The following CLEC12A variants were observed in gnomAD, a reference collection of about 807,000 sequenced individuals.
CLEC12A encodes the protein C-type lectin protein CLL-1.
CLEC12A carries 22 observed loss-of-function variants against 26.5 expected under a neutral mutation model. The observed-to-expected ratio is 0.83, with a 90% confidence interval of 0.59 to 1.19. CLEC12A has a LOEUF of 1.19. Ranked by LOEUF, CLEC12A falls within the 50% of genes most tolerant of loss-of-function variation. CLEC12A has a pLI of 0.00. For missense variants in CLEC12A, 353 were observed against 315.6 expected (o/e 1.12, Z -0.90); for synonymous variants, 119 against 101.9 (o/e 1.17, Z -1.01).
At chr12:10,001,610 G>C in the CLEC12A span, among the ~76,000 whole-genome samples, 1 of 152,156 alleles carries the variant, frequency 6.6e-6, no homozygotes, top group Non-Finnish European at 1.5e-5. Context: ...ATAACATTGA[G>C]TTCTAATTTT....
At position 9,955,681 on chromosome 12, in the gene CLEC12A, T is replaced by C. The variant is rs535088240; in HGVS notation, c.10+4325T>C. ...ACCTTAATTCCTTTAAATCTCAGTT[T>C]TCCTAAGCAATCAAAAACCCAATAA... On this transcript the variant is annotated intron_variant, in intron 1 of 6. Coordinates refer to the CLEC12A transcript ENST00000355690. 5.3e-5 allele frequency among the ~76,000 whole-genome samples: 8 copies of C among 152,326 alleles called. No individual in the cohort carries two copies. In the South Asian group the frequency reaches 1.7e-3, roughly 32 times the overall value.
At chr12:9,958,612 T>C (rs1474712317) in intron 1 of CLEC12A, among the ~76,000 whole-genome samples, 3 of 152,192 alleles carry the variant, frequency 2.0e-5, no homozygotes, top group East Asian at 1.9e-4. Context: ...AAACTCTGGA[T>C]TGTAACAAAA....
chr12:9,979,244 AC>A, intron 2 of CLEC12A, 91 bp from the exon 3 acceptor site: 1 of 1,091,400 alleles, frequency 9.2e-7, no homozygotes, highest in Non-Finnish European at 1.3e-6. Context: ...TGCTTTCCCT[AC>A]CCCTTTAATC....
At chr12:9,973,006 G>A (rs544430324) in intron 1 of CLEC12A, among the ~76,000 whole-genome samples, 9 of 152,034 alleles carry the variant, frequency 5.9e-5, no homozygotes, top group Non-Finnish European at 1.2e-4. Flanking sequence ...CTGAATTCAC[G>A]GAAATATTGA....
chr12:9,960,665 C>T (rs770928564), intron 1 of CLEC12A, among the ~76,000 whole-genome samples: 1 of 152,146 alleles, frequency 6.6e-6, no homozygotes, highest in African/African-American at 2.4e-5. Flanking sequence ...AAACCGGCCC[C>T]GTTATCTTAT....
chr12:9,981,848 A>C (rs796404749), intron 4 of CLEC12A, among the ~76,000 whole-genome samples, 172 bp from the exon 5 acceptor site: 22 of 152,274 alleles, frequency 1.4e-4, no homozygotes, highest in African/African-American at 5.1e-4. Flanking sequence ...AAAAATATTG[A>C]AATTTTGTAG....
intron 1 of CLEC12A, among the ~76,000 whole-genome samples, chr12:9,964,116 G>C (rs1256612470): frequency 1.3e-5 from 2 of 152,184 alleles, no homozygotes; most frequent in Non-Finnish European, 2.9e-5. Flanking sequence ...GGTAAATACG[G>C]GGGGAGTAGA....
chr12:9,998,908 T>A (rs1158744321), downstream of CLEC12A: 7 of 590,058 alleles, frequency 1.2e-5, no homozygotes, highest in Non-Finnish European at 2.0e-5. Flanking sequence ...ACTCAAATGC[T>A]TTAGAGCATT....
chr12:9,963,283 C>G (rs1415755152), intron 1 of CLEC12A, among the ~76,000 whole-genome samples: 1 of 148,876 alleles, frequency 6.7e-6, no homozygotes, highest in African/African-American at 2.5e-5. Context: ...TTGTCATACA[C>G]CAGGCCAGAT....
chr12:9,996,677 G>C, downstream of CLEC12A: 2 of 738,788 alleles, frequency 2.7e-6, no homozygotes, highest in Non-Finnish European at 4.8e-6. Flanking sequence ...AATATTATGA[G>C]TGGATTGAAT....
chr12:9,951,342 T>TC, exon 1 of CLEC12A: 1 of 703,032 alleles, frequency 1.4e-6, no homozygotes, highest in Non-Finnish European at 2.6e-6. Context: ...AAATTTGACT[T>TC]CTGCATGTGG....
chr12:9,998,283 C>A (rs1371496889), downstream of CLEC12A: 1 of 1,613,528 alleles, frequency 6.2e-7, no homozygotes, highest in Non-Finnish European at 8.5e-7. Flanking sequence ...AACACTTACA[C>A]CAAATCCCCA....
the CLEC12A span, among the ~76,000 whole-genome samples, chr12:10,004,500 C>G: frequency 6.6e-6 from 1 of 152,056 alleles, no homozygotes. Context: ...CCCAGCCAAA[C>G]TCCTCTTGGC....
chr12:9,953,666 G>A (rs2137086461), intron 1 of CLEC12A, among the ~76,000 whole-genome samples: 1 of 151,702 alleles, frequency 6.6e-6, no homozygotes, highest in South Asian at 2.1e-4. Context: ...CTACTGGGAA[G>A]TGAGGAGCCC....
chr12:9,997,973 A>AT (rs11454576), downstream of CLEC12A, among the ~76,000 whole-genome samples: 82,765 of 151,968 alleles, frequency 0.54, 22,881 homozygotes, highest in South Asian at 0.72. Context: ...GGTTCTTAGG[A>AT]ATGCAAGATA....
downstream of CLEC12A, among the ~76,000 whole-genome samples, chr12:9,999,902 A>G (rs998049974): frequency 6.6e-6 from 1 of 152,222 alleles, no homozygotes; most frequent in African/African-American, 2.4e-5. Flanking sequence ...TTGAGACTGA[A>G]TGGTTCCTAG....
At chr12:9,975,135 G>T (rs762216998) in intron 1 of CLEC12A, among the ~76,000 whole-genome samples, 2 of 152,160 alleles carry the variant, frequency 1.3e-5, no homozygotes, top group Non-Finnish European at 2.9e-5. Flanking sequence ...TTACCCAGTT[G>T]TGGGTATGTC....
chr12:9,990,115 G>A (rs935158689), downstream of CLEC12A, among the ~76,000 whole-genome samples: 1 of 152,050 alleles, frequency 6.6e-6, no homozygotes, highest in African/African-American at 2.4e-5. Context: ...TTATAGACAT[G>A]TACCGGGAGG....
upstream of CLEC12A, among the ~76,000 whole-genome samples, chr12:9,970,001 C>T (rs959897052): frequency 6.6e-6 from 1 of 152,168 alleles, no homozygotes; most frequent in Admixed American, 6.5e-5. Flanking sequence ...TAGTAAAGTA[C>T]TTAGGATGAA....
Sources: gnomAD v4.1 joint callset for allele counts (sites outside exome capture counted in the v4.1 genomes callset) on GRCh38, gnomAD v4.1.1 for gene constraint, MANE v1.5 for transcripts, NCBI Gene and HGNC (gene_info 2026-07-23, HGNC 2026-07-21) for gene names.